Variants in CASK observed in about 807,000 individuals in gnomAD.
The protein encoded by CASK is calcium/calmodulin dependent serine protein kinase.
CASK carries 4 observed loss-of-function variants against 82.9 expected under a neutral mutation model. The ratio of observed to expected loss-of-function variants is 0.05; its 90% CI spans 0.02 to 0.11. CASK has a LOEUF of 0.11. CASK is among the 10% of genes least tolerant of loss of function. The pLI is 1.00. For synonymous variants in CASK, 259 were observed against 253.5 expected (o/e 1.02, Z -0.20); for missense variants, 358 against 720.9 (o/e 0.50, Z 5.76).
chrX:41,595,730 G>C (rs952018206), intron 12 of CASK, among the ~76,000 whole-genome samples: 4 of 112,019 alleles, frequency 3.6e-5, no homozygotes, highest in Non-Finnish European at 7.5e-5. Flanking sequence ...AGCCAGAGTA[G>C]CAGGGACCTG....
At chrX:41,806,942 T>C (rs1158210372) in intron 2 of CASK, among the ~76,000 whole-genome samples, 1 of 111,595 alleles carries the variant, frequency 9.0e-6, no homozygotes, top group Non-Finnish European at 1.9e-5. Context: ...TTTTCTTTTA[T>C]AGTTTGCCTT....
rs756316223 is a variant in CASK, at chrX:41,626,614, A to G, written c.1005T>C (p.Pro335=). 2.5e-5 allele frequency: 29 copies of G among 1,171,965 alleles called. No homozygotes were observed. Among genetic ancestry groups the G allele is most frequent in the Non-Finnish European group, 3.3e-5 (28 of 860,102 alleles). Residue 335 remains proline, a synonymous_variant, in exon 10 of 27, where the codon CCT becomes CCC. Coordinates refer to ENST00000378163, the MANE Select transcript of CASK (RefSeq NM_001367721.1). ...PEELPDFSED[P]TSSGLLAAER... The stretch of plus-strand genomic sequence containing the variant: ...GAATTATCCAATTACCTGAGGAGGT[A>G]GGGTCTTCGGAGAAATCTGGTAACT...
intron 15 of CASK, among the ~76,000 whole-genome samples, chrX:41,572,378 CTGTTA>C (rs1454249808): frequency 9.0e-6 from 1 of 111,324 alleles, no homozygotes; most frequent in African/African-American, 3.3e-5. Context: ...TCCACCTGTT[CTGTTA>C]TCTTTTTCTG....
At chrX:41,851,187 A>G (rs752171412) in intron 2 of CASK, among the ~76,000 whole-genome samples, 3 of 112,095 alleles carry the variant, frequency 2.7e-5, no homozygotes, top group Non-Finnish European at 5.6e-5. Flanking sequence ...TGGTCCTACC[A>G]TATAGGAAGG....
intron 21 of CASK, among the ~76,000 whole-genome samples, chrX:41,544,923 A>G (rs1163734436): frequency 9.0e-6 from 1 of 111,633 alleles, no homozygotes; most frequent in East Asian, 2.8e-4. Context: ...AAATAAAAAT[A>G]AAAAGAAATC....
intron 3 of CASK, among the ~76,000 whole-genome samples, chrX:41,779,823 T>A: frequency 9.2e-6 from 1 of 108,907 alleles, no homozygotes; most frequent in African/African-American, 3.3e-5. Context: ...AACACTCCCT[T>A]CCCCAGGCAT....
chrX:41,716,974 G>A (rs1447072175), intron 5 of CASK, among the ~76,000 whole-genome samples: 1 of 110,716 alleles, frequency 9.0e-6, no homozygotes, highest in East Asian at 2.8e-4. Context: ...CAACCTTCCC[G>A]CCAGTCTATA....
At chrX:41,785,530 G>A (rs896385566) in intron 3 of CASK, among the ~76,000 whole-genome samples, 6 of 112,077 alleles carry the variant, frequency 5.4e-5, no homozygotes, top group Non-Finnish European at 1.1e-4. Flanking sequence ...TTTTTAAGCT[G>A]TTGCAAACAA....
chrX:41,915,607 T>A (rs1245584795), intron 1 of CASK, among the ~76,000 whole-genome samples: 1 of 111,852 alleles, frequency 8.9e-6, no homozygotes, highest in African/African-American at 3.3e-5. Flanking sequence ...CTCACGCCTG[T>A]AATCCCAGCA....
chrX:41,803,124 G>GGACAGCAACCAACTTACAATGAAA (rs1217475769), intron 2 of CASK, among the ~76,000 whole-genome samples: 15 of 111,279 alleles, frequency 1.3e-4, no homozygotes, highest in African/African-American at 4.6e-4. Flanking sequence ...CAGCAGGCCA[G>GGACAGCAACCAACTTACAATGAAA]GACAGCAACC....
intron 5 of CASK, among the ~76,000 whole-genome samples, chrX:41,718,136 G>C (rs1324987749): frequency 8.9e-6 from 1 of 112,781 alleles, no homozygotes; most frequent in African/African-American, 3.2e-5. Context: ...AAAATGACAG[G>C]GTTCAAGGAG....
At chrX:41,788,882 T>C (rs1178538756) in intron 2 of CASK, among the ~76,000 whole-genome samples, 2 of 111,328 alleles carry the variant, frequency 1.8e-5, no homozygotes, top group South Asian at 3.8e-4. Flanking sequence ...ACACCTCTCA[T>C]TGGGCTAAGT....
chrX:41,922,892 A>AT, intron 1 of CASK, 38 bp downstream of exon 1: 1 of 1,186,687 alleles, frequency 8.4e-7, no homozygotes, highest in African/African-American at 1.7e-5. Context: ...ACTGAAATGC[A>AT]TTTTTCCACA....
intron 9 of CASK, among the ~76,000 whole-genome samples, chrX:41,633,354 C>T (rs931956354): frequency 3.6e-5 from 4 of 110,688 alleles, no homozygotes; most frequent in Non-Finnish European, 7.5e-5. Flanking sequence ...GATAGACATC[C>T]TCAGATAACA....
At chrX:41,746,718 T>C (rs914255993) in intron 3 of CASK, among the ~76,000 whole-genome samples, 16 of 111,860 alleles carry the variant, frequency 1.4e-4, no homozygotes, top group Non-Finnish European at 2.6e-4. Context: ...ACTGAGGAAA[T>C]AGAAACTTCT....
At chrX:41,779,066 GC>G (rs1409165091) in intron 3 of CASK, among the ~76,000 whole-genome samples, 2 of 111,955 alleles carry the variant, frequency 1.8e-5, no homozygotes, top group Non-Finnish European at 3.8e-5. Context: ...ACTAAGGTTG[GC>G]CCTTGAGAGG....
chrX:41,675,677 A>G (rs1340966919), intron 5 of CASK: 6 of 882,788 alleles, frequency 6.8e-6, no homozygotes, highest in Non-Finnish European at 9.8e-6. Context: ...CGTAAATAAA[A>G]AACTTTGTGG....
intron 5 of CASK, among the ~76,000 whole-genome samples, chrX:41,700,926 C>T (rs1334570313): frequency 6.2e-4 from 29 of 46,408 alleles, no homozygotes; most frequent in African/African-American, 2.6e-3. Context: ...AGTGAGACTC[C>T]GTCTCAAAAA....
At chrX:41,665,754 ATT>A (rs2067106501) in intron 6 of CASK, 2 of 278,546 alleles carry the variant, frequency 7.2e-6, no homozygotes, top group Non-Finnish European at 1.3e-5. Flanking sequence ...AGAAGTTTAA[ATT>A]TTCTAATTTT....
Sources: allele counts gnomAD v4.1 joint callset (sites outside exome capture counted in the v4.1 genomes callset), GRCh38; gene constraint gnomAD v4.1.1; transcripts MANE v1.5; gene names NCBI Gene and HGNC (gene_info 2026-07-23, HGNC 2026-07-21).